The following RAD21 variants were observed in gnomAD, a reference collection of about 807,000 sequenced individuals.
RAD21 encodes the protein RAD21 cohesin complex component.
In RAD21, 18 loss-of-function variants were observed where a neutral mutation model predicts 71.5. The ratio of observed to expected loss-of-function variants is 0.25; its 90% CI spans 0.17 to 0.37. The LOEUF (loss-of-function observed/expected upper bound fraction) is 0.37, where lower values mean the gene tolerates loss of function less well. Ranked by LOEUF, RAD21 falls within the 10% of genes least tolerant of loss-of-function variation. RAD21 has a pLI of 1.00. For missense variants in RAD21, 493 were observed against 769.1 expected (o/e 0.64, Z 4.25); for synonymous variants, 248 against 254.0 (o/e 0.98, Z 0.22).
intron 5 of RAD21, among the ~76,000 whole-genome samples, chr8:116,857,746 ATATG>A (rs1298644088): frequency 1.3e-5 from 2 of 152,180 alleles, no homozygotes; most frequent in African/African-American, 4.8e-5. Flanking sequence ...TAAACTCTAA[ATATG>A]TATGTATGTT....
At chr8:116,849,269 C>T (rs1210023661) in intron 12 of RAD21, 4 of 409,280 alleles carry the variant, frequency 9.8e-6, no homozygotes, top group African/African-American at 6.2e-5. Flanking sequence ...TGAAAGTATG[C>T]TTCTATATTG....
At chr8:116,859,719 T>C (rs1370657607) in intron 4 of RAD21, among the ~76,000 whole-genome samples, 1 of 152,006 alleles carries the variant, frequency 6.6e-6, no homozygotes, top group African/African-American at 2.4e-5. Context: ...ACAACTACAT[T>C]GAAATAAGGC....
At chr8:116,857,759 T>G (rs1812499994) in intron 5 of RAD21, among the ~76,000 whole-genome samples, 1 of 151,854 alleles carries the variant, frequency 6.6e-6, no homozygotes, top group Non-Finnish European at 1.5e-5. Context: ...TGTATGTATG[T>G]TAAGTTACAT....
At chr8:116,850,797 G>T in intron 11 of RAD21, 30 bp from the exon 12 acceptor site, 1 of 1,427,850 alleles carries the variant, frequency 7.0e-7, no homozygotes, top group Non-Finnish European at 9.8e-7. Context: ...GACAATTTAA[G>T]ATATATGCTT....
At chr8:116,870,376 A>C (rs1194464072) in intron 1 of RAD21, among the ~76,000 whole-genome samples, 1 of 152,218 alleles carries the variant, frequency 6.6e-6, no homozygotes, top group Non-Finnish European at 1.5e-5. Flanking sequence ...TTTAAAAAAA[A>C]GAAATTAAAG....
chr8:116,865,243 G>C (rs370580908), intron 2 of RAD21, among the ~76,000 whole-genome samples: 1 of 151,992 alleles, frequency 6.6e-6, no homozygotes, highest in African/African-American at 2.4e-5. Flanking sequence ...TCAATTATCA[G>C]ATTGTCTCAT....
chr8:116,852,384 G>A lies in RAD21; in HGVS notation c.1321+165C>T, dbSNP rs1395403003. The stretch of plus-strand genomic sequence containing the variant: ...GAACCTTAAAACTCTGGAAAGACAG[G>A]AGGCTTCATACTTAAATAAGGCAAT... On this transcript the variant is annotated intron_variant, in intron 10 of 13. Coordinates refer to ENST00000297338, the MANE Select transcript of RAD21 (RefSeq NM_006265.3). 3.9e-6 allele frequency: 3 copies of A among 771,678 alleles called. No individual in the cohort carries two copies. In the African/African-American group the frequency reaches 5.3e-5, roughly 14 times the overall value. The allele number at this position is 771,678 out of a possible 1,614,324, so 47.8% of individuals were successfully genotyped here.
intron 4 of RAD21, among the ~76,000 whole-genome samples, chr8:116,860,073 GGCAGTAACT>G (rs1812557781): frequency 1.3e-5 from 2 of 152,126 alleles, no homozygotes; most frequent in South Asian, 4.1e-4. Flanking sequence ...CTTCAGTGGA[GGCAGTAACT>G]GCAGATATGG....
At chr8:116,850,259 C>T (rs1812320431) in intron 12 of RAD21, among the ~76,000 whole-genome samples, 1 of 152,124 alleles carries the variant, frequency 6.6e-6, no homozygotes, top group South Asian at 2.1e-4. Flanking sequence ...TTCCAGGCCA[C>T]CACAGATACA....
At chr8:116,857,960 G>A (rs1812505393) in intron 5 of RAD21, among the ~76,000 whole-genome samples, 1 of 152,150 alleles carries the variant, frequency 6.6e-6, no homozygotes, top group African/African-American at 2.4e-5. Flanking sequence ...CTCCAGCATG[G>A]ATAACACAGC....
chr8:116,847,840 T>C, intron 13 of RAD21, 149 bp from the exon 14 acceptor site: 4 of 760,370 alleles, frequency 5.3e-6, no homozygotes, highest in South Asian at 1.9e-5. Context: ...AGTGAGGTGT[T>C]TGTGTCATGG....
At chr8:116,863,690 G>C (rs1319607536) in intron 2 of RAD21, among the ~76,000 whole-genome samples, 1 of 152,080 alleles carries the variant, frequency 6.6e-6, no homozygotes. Flanking sequence ...AAGTATGCCA[G>C]AGAGTTTCTG....
chr8:116,873,905 AG>A (rs1163593882), intron 1 of RAD21, among the ~76,000 whole-genome samples: 1 of 152,252 alleles, frequency 6.6e-6, no homozygotes, highest in East Asian at 1.9e-4. Flanking sequence ...AGAAAAGTTC[AG>A]GGGAAAACCA....
chr8:116,866,869 A>AT lies in RAD21; in HGVS notation c.-32-109_-32-108insA, dbSNP rs143120777. On this transcript the variant is annotated intron_variant, in intron 1 of 13. Transcript: ENST00000297338. Reference sequence around the variant, plus strand: ...TTCTCTCTTTAATATGAAAACTATAAAATGCTTGAGTAAATGTTTAATATG... The same window carrying AT: ...TTCTCTCTTTAATATGAAAACTATAATAATGCTTGAGTAAATGTTTAATATG... 7.0e-3 allele frequency: 4,477 copies of AT among 644,010 alleles called. 153 individuals carry two copies. In the African/African-American group the frequency reaches 0.072, roughly 10 times the overall value. The allele number at this position is 644,010 out of a possible 1,614,324, so 39.9% of individuals were successfully genotyped here.
At chr8:116,863,098 C>A in intron 3 of RAD21, 32 bp downstream of exon 3, 1 of 1,577,996 alleles carries the variant, frequency 6.3e-7, no homozygotes, top group Non-Finnish European at 8.6e-7. Context: ...AAGTAAACAA[C>A]AACAACAAAA....
chr8:116,874,374 T>TGATGCGGGCCCAAGCTGCATG (rs1215123796), intron 1 of RAD21: 1 of 168,686 alleles, frequency 5.9e-6, no homozygotes, highest in East Asian at 1.9e-4. Flanking sequence ...GAACAAGCGA[T>TGATGCGGGCCCAAGCTGCATG]GATGCGGGCC....
chr8:116,851,812 G>A, intron 11 of RAD21, 136 bp downstream of exon 11: 1 of 864,458 alleles, frequency 1.2e-6, no homozygotes, highest in Non-Finnish European at 1.8e-6. Flanking sequence ...ATATCCTGTT[G>A]CTCTTCTTCC....
At chr8:116,873,681 G>T (rs1812893705) in intron 1 of RAD21, among the ~76,000 whole-genome samples, 1 of 151,446 alleles carries the variant, frequency 6.6e-6, no homozygotes. Context: ...GAGTGACCAA[G>T]TAAATCCCCC....
At chr8:116,871,448 G>T (rs1011705069) in intron 1 of RAD21, among the ~76,000 whole-genome samples, 4 of 152,136 alleles carry the variant, frequency 2.6e-5, no homozygotes, top group African/African-American at 9.7e-5. Flanking sequence ...ACAAAAAATG[G>T]CAATTTAAGA....
Sources: allele counts gnomAD v4.1 joint callset (sites outside exome capture counted in the v4.1 genomes callset), GRCh38; gene constraint gnomAD v4.1.1; transcripts MANE v1.5; gene names NCBI Gene and HGNC (gene_info 2026-07-23, HGNC 2026-07-21).